The following PATL2 variants were observed in gnomAD, a reference collection of about 807,000 sequenced individuals.
PATL2 encodes protein PAT1 homolog 2.
A neutral mutation model predicts 77.0 loss-of-function variants in PATL2; 73 were observed. The observed-to-expected ratio is 0.95, with a 90% CI of 0.78 to 1.15. PATL2 has a LOEUF of 1.15. Among genes scored for constraint, PATL2 ranks in the 50% most tolerant of loss-of-function variants. The pLI is 0.00. For synonymous variants in PATL2, 265 were observed against 257.1 expected (o/e 1.03, Z -0.29); for missense variants, 618 against 655.4 (o/e 0.94, Z 0.62).
intron 3 of PATL2, among the ~76,000 whole-genome samples, chr15:44,677,963 G>A (rs558129160): frequency 1.5e-4 from 23 of 152,174 alleles, no homozygotes; most frequent in African/African-American, 4.8e-4. Flanking sequence ...TCAGCCTCCC[G>A]AGTAGCTGGG....
intron 8 of PATL2, 91 bp from the exon 9 acceptor site, chr15:44,672,247 G>A: frequency 1.3e-6 from 2 of 1,542,760 alleles, no homozygotes; most frequent in Non-Finnish European, 1.8e-6. Context: ...TCTCTGGGAA[G>A]GATGGAGCAA....
intron 3 of PATL2, among the ~76,000 whole-genome samples, chr15:44,684,882 G>C (rs1039018395): frequency 2.0e-5 from 3 of 152,200 alleles, no homozygotes; most frequent in African/African-American, 7.2e-5. Flanking sequence ...AAGTCCATCA[G>C]ACTAACAGTG....
At position 44,671,969 on chromosome 15, in the gene PATL2, C is replaced by T. The variant is rs1171730341; in HGVS notation, c.657+46G>A. ...CAGAGCGGGCCCGGGAGTCCAGGCC[C>T]ATTTGACCCAAGGTCAGAGGCTGGG... On this transcript the variant is annotated intron_variant, in intron 9 of 17. Coordinates refer to ENST00000682850, the MANE Select transcript of PATL2 (RefSeq NM_001387263.1). The T allele has an allele frequency of 1.9e-6, 3 of 1,547,750 alleles. No individual in the cohort carries two copies. In the African/African-American group the frequency reaches 4.1e-5, roughly 21 times the overall value.
At chr15:44,675,390 G>C in intron 5 of PATL2, 96 bp downstream of exon 5, 1 of 1,362,920 alleles carries the variant, frequency 7.3e-7, no homozygotes, top group Non-Finnish European at 9.9e-7. Context: ...ACTTGTCTTA[G>C]AAAAGGGTAG....
At chr15:44,681,675 A>G (rs2086136812) in intron 3 of PATL2, among the ~76,000 whole-genome samples, 1 of 152,138 alleles carries the variant, frequency 6.6e-6, no homozygotes, top group Non-Finnish European at 1.5e-5. Context: ...CACATCCTCA[A>G]AGGGATCAAG....
intron 11 of PATL2, 90 bp downstream of exon 11, chr15:44,669,687 C>T: frequency 6.6e-7 from 1 of 1,511,008 alleles, no homozygotes; most frequent in South Asian, 1.2e-5. Flanking sequence ...ACTTCTTCCT[C>T]CTTCTTCGGT....
intron 3 of PATL2, among the ~76,000 whole-genome samples, chr15:44,700,804 T>G (rs760694611): frequency 3.9e-5 from 6 of 152,220 alleles, no homozygotes; most frequent in Admixed American, 6.5e-5. Context: ...CAGTACTGTT[T>G]TGAATAATAG....
intron 9 of PATL2, among the ~76,000 whole-genome samples, chr15:44,671,569 G>A (rs1257254162): frequency 6.6e-6 from 1 of 151,898 alleles, no homozygotes; most frequent in Non-Finnish European, 1.5e-5. Context: ...ATAAATAAAG[G>A]CAGAAGGAAG....
chr15:44,684,989 G>A lies in PATL2; in HGVS notation c.-75-8424C>T, dbSNP rs2086221652. On this transcript the variant is annotated intron_variant, in intron 3 of 17. Coordinates refer to ENST00000682850, the MANE Select transcript of PATL2 (RefSeq NM_001387263.1). ...TTTTCAACCCAGAATTTCATATCCAGCCAAACTAAGCTTCATAAGTGAAGG... is the reference window on the plus strand; with the variant it reads ...TTTTCAACCCAGAATTTCATATCCAACCAAACTAAGCTTCATAAGTGAAGG... 2.6e-5 allele frequency among the ~76,000 whole-genome samples: 4 copies of A among 152,138 alleles called. No homozygotes were observed. In the South Asian group the frequency reaches 8.3e-4, roughly 32 times the overall value.
At chr15:44,684,699 C>T (rs2086213828) in intron 3 of PATL2, among the ~76,000 whole-genome samples, 1 of 152,068 alleles carries the variant, frequency 6.6e-6, no homozygotes, top group Admixed American at 6.5e-5. Flanking sequence ...GAGAACTTCC[C>T]CAACCTAGCA....
intron 16 of PATL2, 151 bp downstream of exon 16, chr15:44,666,954 GA>G: frequency 6.2e-6 from 4 of 649,648 alleles, no homozygotes; most frequent in Middle Eastern, 4.3e-4. Flanking sequence ...GGGCACTATA[GA>G]AAAAAAGCAG....
chr15:44,668,690 G>C (rs1241985619), intron 14 of PATL2, among the ~76,000 whole-genome samples: 1 of 152,158 alleles, frequency 6.6e-6, no homozygotes, highest in Non-Finnish European at 1.5e-5. Flanking sequence ...AAGAAAAGTA[G>C]ATAGGGGCTC....
Position 44,669,417 on chromosome 15 carries a change from G to A in PATL2, c.931-4C>T. 1 of 1,548,720 alleles carries A rather than the reference G, an allele frequency of 6.5e-7. No individual in the cohort carries two copies. Among genetic ancestry groups the A allele is most frequent in the East Asian group, 2.5e-5 (1 of 40,808 alleles). Reference sequence around the variant, plus strand: ...TTTCTAGTAACTGAAGGAACATCTGGGAATTTGAGGGTGGAAAAAAGAGGT... The same window carrying A: ...TTTCTAGTAACTGAAGGAACATCTGAGAATTTGAGGGTGGAAAAAAGAGGT... On this transcript the variant is annotated splice_region_variant and splice_polypyrimidine_tract_variant and intron_variant, in intron 12 of 17. Coordinates refer to ENST00000682850, the MANE Select transcript of PATL2 (RefSeq NM_001387263.1).
chr15:44,680,131 C>G (rs1050540491), intron 3 of PATL2, among the ~76,000 whole-genome samples: 2 of 152,188 alleles, frequency 1.3e-5, no homozygotes, highest in African/African-American at 2.4e-5. Context: ...CTTCACTGGC[C>G]TTTATGAGTT....
rs1239810907 is a variant in PATL2, at chr15:44,669,396, T to C, written c.948A>G (p.Leu316=). Residue 316 remains leucine, a synonymous_variant, in exon 13 of 18, where the codon CTA becomes CTG. Transcript: ENST00000682850. Reference sequence around the variant, plus strand: ...TATACTTCCAGCCTTCCTCTATTTCTAGTAACTGAAGGAACATCTGGGAAT... The same window carrying C: ...TATACTTCCAGCCTTCCTCTATTTCCAGTAACTGAAGGAACATCTGGGAAT... ...YRIEKMFLQL[L]EIEEGWKYRP... 1.5e-5 allele frequency: 23 copies of C among 1,550,840 alleles called. No individual in the cohort carries two copies. Among genetic ancestry groups the C allele is most frequent in the Non-Finnish European group, 1.9e-5 (22 of 1,146,386 alleles).
intron 3 of PATL2, among the ~76,000 whole-genome samples, chr15:44,691,227 G>T (rs2086384264): frequency 6.6e-6 from 1 of 152,090 alleles, no homozygotes; most frequent in Non-Finnish European, 1.5e-5. Flanking sequence ...GAAAAGTTGA[G>T]ATTTTGTCTA....
chr15:44,669,507 C>T lies in PATL2; in HGVS notation c.930+3G>A. The stretch of plus-strand genomic sequence containing the variant: ...ACTCGTCCCTAAGGAACTGATATCT[C>T]ACCTTCTCAATCCGGTATAATACCC... On this transcript the variant is annotated splice_donor_region_variant and intron_variant, in intron 12 of 17. Coordinates refer to ENST00000682850, the MANE Select transcript of PATL2 (RefSeq NM_001387263.1). 6.4e-7 allele frequency: 1 copy of T among 1,551,196 alleles called. No individual in the cohort carries two copies. The highest frequency in any genetic ancestry group is 8.7e-7 in the Non-Finnish European group (1 of 1,146,750).
intron 8 of PATL2, 86 bp downstream of exon 8, chr15:44,672,302 G>A (rs2085727521): frequency 9.2e-6 from 14 of 1,523,224 alleles, no homozygotes; most frequent in Non-Finnish European, 1.2e-5. Context: ...CACCACATGG[G>A]AGATTTGAGG....
chr15:44,704,416 C>T (rs1344990117), intron 3 of PATL2, among the ~76,000 whole-genome samples: 1 of 151,980 alleles, frequency 6.6e-6, no homozygotes, highest in Non-Finnish European at 1.5e-5. Context: ...CACAACATAA[C>T]CCATTATTTT....
Sources: allele counts gnomAD v4.1 joint callset (sites outside exome capture counted in the v4.1 genomes callset), GRCh38; gene constraint gnomAD v4.1.1; transcripts MANE v1.5; gene names NCBI Gene and HGNC (gene_info 2026-07-23, HGNC 2026-07-21).